Variants in CORO2A observed in about 807,000 individuals in gnomAD.
CORO2A encodes the protein coronin 2A.
CORO2A carries 47 observed loss-of-function variants against 62.4 expected under a neutral mutation model. That is an observed-to-expected ratio of 0.75 (90% CI 0.60 to 0.96). The LOEUF (loss-of-function observed/expected upper bound fraction) is 0.96, where lower values mean the gene tolerates loss of function less well. Among genes scored for constraint, CORO2A ranks in the 40% least tolerant of loss-of-function variants. The pLI, the probability that CORO2A is intolerant of heterozygous loss-of-function variation, is 0.00. For synonymous variants in CORO2A, 273 were observed against 268.9 expected (o/e 1.02, Z -0.15); for missense variants, 610 against 684.1 (o/e 0.89, Z 1.21).
In CORO2A at chr9:98,133,185, A is replaced by G; in HGVS notation, c.501T>C (p.Ser167=). The G allele has an allele frequency of 6.2e-7, 1 of 1,614,230 alleles. No individual in the cohort carries two copies. The highest frequency in any genetic ancestry group is 8.5e-7 in the Non-Finnish European group (1 of 1,180,042). The change falls in exon 5 of 12, where the codon TCT becomes TCC. Residue 167 remains serine (S), a synonymous_variant. Coordinates refer to ENST00000375077, the MANE Select transcript of CORO2A (RefSeq NM_052820.4). Reference sequence around the variant, plus strand: ...TCGTACTCATGGGGCTTGTGATGACAGACTCCTTTGTATCCAGGTTCCAGA... The same window carrying G: ...TCGTACTCATGGGGCTTGTGATGACGGACTCCTTTGTATCCAGGTTCCAGA... ...VMIWNLDTKE[S]VITSPMSTIS...
intron 1 of CORO2A, among the ~76,000 whole-genome samples, chr9:98,169,550 A>T (rs1828005771): frequency 6.6e-6 from 1 of 151,764 alleles, no homozygotes; most frequent in Non-Finnish European, 1.5e-5. Context: ...CTTAAAATGC[A>T]CCCCGGGTCC....
At chr9:98,183,774 A>ACATAGCGAAACCC in intron 1 of CORO2A, among the ~76,000 whole-genome samples, 1 of 152,218 alleles carries the variant, frequency 6.6e-6, no homozygotes, top group African/African-American at 2.4e-5. Context: ...AGCCTGGCCA[A>ACATAGCGAAACCC]CATAGCGAAA....
Position 98,124,453 on chromosome 9 carries a change from C to A in CORO2A, c.*321G>T, listed in dbSNP as rs1302030945. On this transcript the variant is annotated 3_prime_UTR_variant, in exon 12 of 12. Coordinates refer to ENST00000375077, the MANE Select transcript of CORO2A (RefSeq NM_052820.4). ...CACAGTTTGAAAATCACAGACAGGT[C>A]AACCTAGATCCTTCCAGCTCTAGTT... 4 of 177,548 alleles carry A rather than the reference C, an allele frequency of 2.3e-5. No individual in the cohort carries two copies. The East Asian group carries it at 6.1e-4, about 27-fold the overall frequency. The allele number at this position is 177,548 out of a possible 1,614,324, so 11.0% of individuals were successfully genotyped here. A position where few individuals can be genotyped will look rare whatever the true frequency, so the allele number is the denominator to read the frequency against.
At chr9:98,154,409 T>C (rs952358330) in intron 2 of CORO2A, among the ~76,000 whole-genome samples, 2 of 147,632 alleles carry the variant, frequency 1.4e-5, no homozygotes, top group Non-Finnish European at 3.0e-5. Context: ...ATAAGAAACA[T>C]GCAAAAAGTG....
chr9:98,140,677 TCAAA>T (rs907862341), intron 2 of CORO2A, among the ~76,000 whole-genome samples: 11 of 152,140 alleles, frequency 7.2e-5, no homozygotes, highest in Admixed American at 6.5e-5. Context: ...ACTCCTGGGC[TCAAA>T]CAATCTTCCC....
chr9:98,188,983 C>T (rs1324272556), intron 1 of CORO2A, among the ~76,000 whole-genome samples: 2 of 152,152 alleles, frequency 1.3e-5, no homozygotes, highest in African/African-American at 4.8e-5. Context: ...AAGTGAGGCT[C>T]CCATGTCCCT....
intron 1 of CORO2A, among the ~76,000 whole-genome samples, chr9:98,160,363 C>T (rs551725150): frequency 3.7e-4 from 56 of 152,294 alleles, no homozygotes; most frequent in African/African-American, 1.3e-3. Flanking sequence ...GCTAGGTGTG[C>T]GGCCAGGTCC....
intron 1 of CORO2A, among the ~76,000 whole-genome samples, chr9:98,160,226 A>G (rs1212242051): frequency 6.6e-6 from 1 of 152,244 alleles, no homozygotes; most frequent in Admixed American, 6.5e-5. Flanking sequence ...GATTCCAGAA[A>G]GGATTTAAGA....
At chr9:98,126,326 G>A (rs531191102) in intron 11 of CORO2A, among the ~76,000 whole-genome samples, 2 of 152,192 alleles carry the variant, frequency 1.3e-5, no homozygotes, top group Non-Finnish European at 2.9e-5. Context: ...GAGCCACTGT[G>A]CCCAGCCTCC....
intron 1 of CORO2A, among the ~76,000 whole-genome samples, chr9:98,178,858 C>T (rs558597913): frequency 3.9e-4 from 59 of 152,322 alleles, no homozygotes; most frequent in South Asian, 1.0e-3. Flanking sequence ...CAAAGGATGG[C>T]AGAAATGATC....
intron 1 of CORO2A, among the ~76,000 whole-genome samples, chr9:98,174,752 T>C (rs1461028221): frequency 6.6e-6 from 1 of 152,104 alleles, no homozygotes; most frequent in Non-Finnish European, 1.5e-5. Flanking sequence ...CCTTCCGTCA[T>C]GATTGTAAGT....
chr9:98,173,629 G>A (rs958016068), intron 1 of CORO2A, among the ~76,000 whole-genome samples: 6 of 152,150 alleles, frequency 3.9e-5, no homozygotes, highest in African/African-American at 1.4e-4. Context: ...TCCTTCTCAT[G>A]GTGCTCCACA....
At chr9:98,171,505 G>C (rs537415029) in intron 1 of CORO2A, among the ~76,000 whole-genome samples, 4 of 152,324 alleles carry the variant, frequency 2.6e-5, no homozygotes, top group African/African-American at 9.6e-5. Context: ...CTCAGAGGAT[G>C]GGGGAGGCCC....
intron 1 of CORO2A, among the ~76,000 whole-genome samples, chr9:98,179,877 C>G (rs967177815): frequency 6.6e-6 from 1 of 152,044 alleles, no homozygotes; most frequent in African/African-American, 2.4e-5. Context: ...GTGGCAGGTG[C>G]CTGTAATCCC....
At chr9:98,175,797 G>A (rs543961131) in intron 1 of CORO2A, among the ~76,000 whole-genome samples, 1 of 152,280 alleles carries the variant, frequency 6.6e-6, no homozygotes, top group Non-Finnish European at 1.5e-5. Flanking sequence ...TTGGCCTTGG[G>A]TTTTCTCATC....
At chr9:98,175,818 G>T (rs946906428) in intron 1 of CORO2A, among the ~76,000 whole-genome samples, 8 of 152,132 alleles carry the variant, frequency 5.3e-5, no homozygotes. Flanking sequence ...CATAAAATGG[G>T]GATGATAACC....
rs1827506576 is a variant in CORO2A, at chr9:98,137,698, A to G, written c.202-10T>C. ...GGTCCAACTTCCCTGTCTGCAAGAC[A>G]GTGCCCAGGAGGGTTGGGGAGGAGG... On this transcript the variant is annotated splice_polypyrimidine_tract_variant and intron_variant, in intron 2 of 11. Coordinates refer to ENST00000375077, the MANE Select transcript of CORO2A (RefSeq NM_052820.4). The G allele has an allele frequency of 6.2e-7, 1 of 1,604,484 alleles. No individual in the cohort carries two copies. The highest frequency in any genetic ancestry group is 1.1e-5 in the South Asian group (1 of 90,902).
At chr9:98,164,018 C>T (rs977533512) in intron 1 of CORO2A, among the ~76,000 whole-genome samples, 1 of 152,278 alleles carries the variant, frequency 6.6e-6, no homozygotes, top group Admixed American at 6.5e-5. Context: ...AGTGCCCCTT[C>T]GTAAATTTGT....
rs1276555719 is a variant in CORO2A at position 98,157,516 on chromosome 9, C to A, written c.145G>T (p.Ala49Ser). 8.7e-6 allele frequency: 14 copies of A among 1,614,082 alleles called. No homozygotes were observed. The highest frequency in any genetic ancestry group is 1.2e-5 in the Non-Finnish European group (14 of 1,180,048). Residue 49 changes from alanine to serine, a missense_variant, in exon 2 of 12, where the codon GCA (alanine) becomes TCA (serine). By Grantham distance (99) the Ala-to-Ser change is moderately conservative. Transcript: ENST00000375077. ...HFCAVNPHFI[A>S]VVTECAGGGA... ...CCACCAGCACACTCAGTCACAACTG[C>A]AATGAAGTGGGGGTTCACGGCACAG...
Sources: gnomAD v4.1 joint callset for allele counts (sites outside exome capture counted in the v4.1 genomes callset) on GRCh38, gnomAD v4.1.1 for gene constraint, MANE v1.5 for transcripts, NCBI Gene and HGNC (gene_info 2026-07-23, HGNC 2026-07-21) for gene names.